The following THBS4 variants were observed in gnomAD, a reference collection of about 807,000 sequenced individuals.
The protein encoded by THBS4 is thrombospondin-4.
THBS4 carries 90 observed loss-of-function variants against 115.7 expected under a neutral mutation model. That is an observed-to-expected ratio of 0.78 (90% CI 0.66 to 0.93). The LOEUF (loss-of-function observed/expected upper bound fraction) is 0.93, where lower values mean the gene tolerates loss of function less well. THBS4 is among the 40% of genes least tolerant of loss of function. The pLI is 0.00. For synonymous variants in THBS4, 460 were observed against 479.3 expected (o/e 0.96, Z 0.53); for missense variants, 1,087 against 1,232.7 (o/e 0.88, Z 1.77).
rs1218700597 is a variant in THBS4, at chr5:80,075,286, TC to T, written c.1893-1568del. Reference sequence around the variant, plus strand: ...GTGAACTTAAACATATTTCCCAGTCTCTTCACATCTCAACTTCTTCATCTGC... The same window carrying T: ...GTGAACTTAAACATATTTCCCAGTCTTTCACATCTCAACTTCTTCATCTGC... On this transcript the variant is annotated intron_variant, in intron 15 of 21. Coordinates refer to ENST00000350881, the MANE Select transcript of THBS4 (RefSeq NM_003248.6). The T allele has an allele frequency of 3.3e-5, 5 of 152,352 alleles. No individual in the cohort carries two copies. The East Asian group carries it at 7.7e-4, about 23-fold the overall frequency. The allele number at this position is 152,352 out of a possible 1,614,324, so 9.4% of individuals were successfully genotyped here.
rs374700914 is a variant in THBS4 at position 80,082,430 on chromosome 5, G to A, written c.2709G>A (p.Glu903=). 1 of 1,614,150 alleles carries A rather than the reference G, an allele frequency of 6.2e-7. No homozygotes were observed. The highest frequency in any genetic ancestry group is 1.1e-5 in the South Asian group (1 of 91,084). Residue 903 remains glutamate, a synonymous_variant, in exon 21 of 22, where the codon GAG becomes GAA. Transcript: ENST00000350881. The part of the protein sequence containing the change: ...YIRVRFYEGS[E]LVADSGVTID... ...GGGTACGATTTTATGAAGGCTCTGA[G>A]TTGGTGGCTGACTCTGGCGTCACCA...
intron 20 of THBS4, chr5:80,082,183 T>A: frequency 3.2e-4 from 99 of 307,176 alleles, no homozygotes; most frequent in East Asian, 4.8e-4. Flanking sequence ...CCCACCCCCC[T>A]CCACACACAC....
intron 15 of THBS4, among the ~76,000 whole-genome samples, chr5:80,074,590 C>G (rs1743097840): frequency 6.6e-6 from 1 of 151,458 alleles, no homozygotes; most frequent in Admixed American, 6.6e-5. Flanking sequence ...AAACCTTACT[C>G]AAGGACAGCT....
At chr5:80,038,095 C>T (rs1356890250) in intron 1 of THBS4, among the ~76,000 whole-genome samples, 1 of 152,048 alleles carries the variant, frequency 6.6e-6, no homozygotes, top group African/African-American at 2.4e-5. Context: ...TGCTTTAGAA[C>T]TTTTATTCAT....
intron 15 of THBS4, chr5:80,076,010 G>A (rs997283753): frequency 2.6e-5 from 4 of 152,304 alleles, no homozygotes; most frequent in African/African-American, 9.7e-5. Context: ...AGGTCTAAAG[G>A]AGTGCTCATT....
intron 2 of THBS4, among the ~76,000 whole-genome samples, chr5:79,998,964 T>C (rs1831849341): frequency 6.6e-6 from 1 of 152,166 alleles, no homozygotes; most frequent in Non-Finnish European, 1.5e-5. Flanking sequence ...TGAATAAGGA[T>C]GGACAGCCGG....
At chr5:80,057,473 T>C (rs1005053011) in intron 3 of THBS4, among the ~76,000 whole-genome samples, 2 of 152,188 alleles carry the variant, frequency 1.3e-5, no homozygotes, top group African/African-American at 2.4e-5. Context: ...TAGTCTGATG[T>C]CCAATACAAT....
chr5:80,082,602 C>T (rs1743574947), intron 21 of THBS4, 57 bp downstream of exon 21: 13 of 1,598,674 alleles, frequency 8.1e-6, no homozygotes, highest in Non-Finnish European at 1.0e-5. Flanking sequence ...CAAACACTGC[C>T]ACCTTATTTT....
chr5:80,054,091 A>AT (rs1334612793), intron 2 of THBS4, among the ~76,000 whole-genome samples: 2 of 152,238 alleles, frequency 1.3e-5, no homozygotes, highest in Middle Eastern at 6.8e-3. Context: ...AAAACAAAAC[A>AT]AAAACAAAAA....
chr5:80,079,327 T>C, intron 19 of THBS4, 69 bp downstream of exon 19: 1 of 1,483,528 alleles, frequency 6.7e-7, no homozygotes, highest in South Asian at 1.4e-5. Flanking sequence ...GATATTGTGT[T>C]TTCCCATGTG....
At chr5:80,000,566 A>C (rs753135567) in intron 2 of THBS4, among the ~76,000 whole-genome samples, 1 of 152,116 alleles carries the variant, frequency 6.6e-6, no homozygotes, top group Non-Finnish European at 1.5e-5. Flanking sequence ...CCCAGCTCTC[A>C]TTTCCATCCT....
At chr5:80,058,571 A>AC (rs1164686803) in intron 4 of THBS4, 137 bp from the exon 5 acceptor site, 1 of 762,492 alleles carries the variant, frequency 1.3e-6, no homozygotes, top group Non-Finnish European at 2.2e-6. Context: ...TAAAGAAATT[A>AC]CCCCAAATTA....
At chr5:80,033,516 A>C (rs1458849547), upstream of THBS4, among the ~76,000 whole-genome samples, 1 of 152,202 alleles carries the variant, frequency 6.6e-6, no homozygotes, top group East Asian at 1.9e-4. Flanking sequence ...CCCCACCTGC[A>C]AGAGTCACAA....
intron 2 of THBS4, among the ~76,000 whole-genome samples, chr5:80,016,335 G>T (rs1832249435): frequency 6.6e-6 from 1 of 152,166 alleles, no homozygotes; most frequent in African/African-American, 2.4e-5. Flanking sequence ...TCACCCCATT[G>T]TTGCCTTCCT....
At chr5:79,998,657 G>T (rs1301062343) in intron 2 of THBS4, among the ~76,000 whole-genome samples, 1 of 152,088 alleles carries the variant, frequency 6.6e-6, no homozygotes, top group Non-Finnish European at 1.5e-5. Context: ...TGTTACAATT[G>T]GGGGAAACAT....
chr5:80,036,336 T>G (rs543485320), intron 1 of THBS4, among the ~76,000 whole-genome samples: 1 of 152,108 alleles, frequency 6.6e-6, no homozygotes, highest in South Asian at 2.1e-4. Flanking sequence ...TGGATAGATA[T>G]GGACATAAAG....
chr5:80,055,766 G>T lies in THBS4; in HGVS notation c.293-19G>T. Reference sequence around the variant, plus strand: ...TCTGCCACTTATCACACCATTGGTTGACCTGTGCTTGCTTCCAGCCATCCT... The same window carrying T: ...TCTGCCACTTATCACACCATTGGTTTACCTGTGCTTGCTTCCAGCCATCCT... On this transcript the variant is annotated intron_variant, in intron 2 of 21. Coordinates refer to ENST00000350881, the MANE Select transcript of THBS4 (RefSeq NM_003248.6). The T allele has an allele frequency of 6.2e-7, 1 of 1,603,960 alleles. No individual in the cohort carries two copies. Among genetic ancestry groups the T allele is most frequent in the South Asian group, 1.1e-5 (1 of 89,276 alleles).
At chr5:80,018,851 A>G (rs256451) in intron 2 of THBS4, among the ~76,000 whole-genome samples, 38,638 of 151,938 alleles carry the variant, frequency 0.25, 5,591 homozygotes, top group African/African-American at 0.4. Context: ...GTTGTCTGCT[A>G]TTTCCTCTGG....
At chr5:80,024,342 A>C (rs1023526588) in intron 2 of THBS4, among the ~76,000 whole-genome samples, 1 of 152,194 alleles carries the variant, frequency 6.6e-6, no homozygotes, top group Non-Finnish European at 1.5e-5. Flanking sequence ...AAATGTTTCA[A>C]GATCATGCAT....
Sources: allele counts gnomAD v4.1 joint callset (sites outside exome capture counted in the v4.1 genomes callset), GRCh38; gene constraint gnomAD v4.1.1; transcripts MANE v1.5; gene names NCBI Gene and HGNC (gene_info 2026-07-23, HGNC 2026-07-21).